The following COX7B2 variants were observed in gnomAD, a reference collection of about 807,000 sequenced individuals.
The protein encoded by COX7B2 is cytochrome c oxidase subunit 7B2, mitochondrial.
For synonymous variants in COX7B2, 37 were observed against 32.1 expected, an observed-to-expected ratio of 1.15 and a Z score of -0.51; for missense variants, 109 against 95.9, an observed-to-expected ratio of 1.14 and a Z score of -0.57.
At chr4:46,888,644 C>T (rs1719233945) in intron 1 of COX7B2, among the ~76,000 whole-genome samples, 1 of 152,040 alleles carries the variant, frequency 6.6e-6, no homozygotes, top group African/African-American at 2.4e-5. Context: ...GATGGGGTTT[C>T]ACCATGTTAG....
intron 2 of COX7B2, among the ~76,000 whole-genome samples, chr4:46,773,265 G>A (rs1237644655): frequency 2.6e-5 from 4 of 152,170 alleles, no homozygotes; most frequent in African/African-American, 9.6e-5. Flanking sequence ...GGAAGGACCT[G>A]ATGGGAGGTA....
intron 2 of COX7B2, among the ~76,000 whole-genome samples, chr4:46,819,365 G>T (rs886618596): frequency 2.0e-5 from 3 of 152,072 alleles, no homozygotes; most frequent in Non-Finnish European, 4.4e-5. Flanking sequence ...CCACTCTTAG[G>T]AAGCTTTCAG....
At chr4:46,815,631 C>T (rs1381365048) in intron 2 of COX7B2, among the ~76,000 whole-genome samples, 1 of 151,770 alleles carries the variant, frequency 6.6e-6, no homozygotes, top group Admixed American at 6.6e-5. Context: ...TTCAATTTTG[C>T]ACAAATGGTG....
At chr4:46,750,229 C>CACAT (rs1553879316) in intron 2 of COX7B2, among the ~76,000 whole-genome samples, 3 of 151,292 alleles carry the variant, frequency 2.0e-5, no homozygotes, top group South Asian at 2.1e-4. Flanking sequence ...CACACACACA[C>CACAT]ACACACACAC....
intron 2 of COX7B2, among the ~76,000 whole-genome samples, chr4:46,844,693 T>C (rs920828257): frequency 2.6e-5 from 4 of 152,038 alleles, no homozygotes; most frequent in African/African-American, 9.7e-5. Context: ...GTTAAGACTA[T>C]CAAGTTAGTC....
chr4:46,818,272 CTT>C (rs1275548632), intron 2 of COX7B2, among the ~76,000 whole-genome samples: 2 of 152,160 alleles, frequency 1.3e-5, no homozygotes, highest in Non-Finnish European at 2.9e-5. Flanking sequence ...TTGTCAGTGT[CTT>C]TTACTGAAGG....
intron 2 of COX7B2, among the ~76,000 whole-genome samples, chr4:46,769,378 C>A (rs1418544068): frequency 6.6e-6 from 1 of 152,098 alleles, no homozygotes; most frequent in Non-Finnish European, 1.5e-5. Flanking sequence ...AAGGACTTAT[C>A]CCTGAAATGC....
intron 2 of COX7B2, among the ~76,000 whole-genome samples, chr4:46,749,532 T>A (rs1715222165): frequency 6.6e-6 from 1 of 152,170 alleles, no homozygotes; most frequent in African/African-American, 2.4e-5. Flanking sequence ...AATATTGTAG[T>A]ATAAATAGTG....
At chr4:46,841,130 C>G (rs1429904728) in intron 2 of COX7B2, among the ~76,000 whole-genome samples, 1 of 151,910 alleles carries the variant, frequency 6.6e-6, no homozygotes, top group Non-Finnish European at 1.5e-5. Context: ...AGCAATGAGA[C>G]ACTGAATTAT....
At chr4:46,738,822 A>C (rs1413609347) in intron 2 of COX7B2, among the ~76,000 whole-genome samples, 1 of 152,080 alleles carries the variant, frequency 6.6e-6, no homozygotes, top group Non-Finnish European at 1.5e-5. Flanking sequence ...TAGTAAAAAC[A>C]AAGTAAAAGT....
rs568525541 is a variant in COX7B2, at chr4:46,762,284, T to A, written c.-49-27043A>T. ...TAATATATTTAATATATATGTAACATATATAAAATATATATAGTGTTATAT... is the reference window on the plus strand; with the variant it reads ...TAATATATTTAATATATATGTAACAAATATAAAATATATATAGTGTTATAT... On this transcript the variant is annotated intron_variant, in intron 2 of 2. Coordinates refer to ENST00000355591, the MANE Select transcript of COX7B2 (RefSeq NM_130902.3). Among the ~76,000 whole-genome samples the A allele has an allele frequency of 2.8e-3, 396 of 139,626 alleles. 3 individuals are homozygous for A. In the Middle Eastern group the frequency reaches 0.033, roughly 12 times the overall value. The allele number at this position is 139,626 out of a possible 152,430, so 91.6% of individuals were successfully genotyped here. A position where few individuals can be genotyped will look rare whatever the true frequency, so the allele number is the denominator to read the frequency against.
At chr4:46,769,523 T>C (rs900571023) in intron 2 of COX7B2, among the ~76,000 whole-genome samples, 72 of 152,102 alleles carry the variant, frequency 4.7e-4, no homozygotes, top group African/African-American at 1.6e-3. Flanking sequence ...GGGACCAGCC[T>C]GGCCAATATG....
intron 1 of COX7B2, among the ~76,000 whole-genome samples, chr4:46,887,710 C>G (rs77359323): frequency 4.8e-5 from 2 of 41,660 alleles, no homozygotes; most frequent in East Asian, 1.6e-3. Context: ...GACTCCTTCT[C>G]AAAAAAAAAA....
chr4:46,837,304 CACACACACACAG>C (rs1368912808), intron 2 of COX7B2, among the ~76,000 whole-genome samples: 2 of 151,294 alleles, frequency 1.3e-5, no homozygotes, highest in Non-Finnish European at 3.0e-5. Flanking sequence ...CACACACACA[CACACACACACAG>C]AGGAATATGG....
chr4:46,810,548 C>A (rs1453211257), intron 2 of COX7B2, among the ~76,000 whole-genome samples: 1 of 151,930 alleles, frequency 6.6e-6, no homozygotes, highest in Non-Finnish European at 1.5e-5. Flanking sequence ...AGACTTTAAT[C>A]CCATTTAAAT....
intron 2 of COX7B2, among the ~76,000 whole-genome samples, chr4:46,746,126 A>G (rs886093711): frequency 6.6e-6 from 1 of 152,172 alleles, no homozygotes; most frequent in Non-Finnish European, 1.5e-5. Flanking sequence ...CAAATAAAAA[A>G]CCATCAGATC....
At chr4:46,830,237 T>C (rs1714976701) in intron 2 of COX7B2, among the ~76,000 whole-genome samples, 1 of 149,898 alleles carries the variant, frequency 6.7e-6, no homozygotes, top group Non-Finnish European at 1.5e-5. Flanking sequence ...GGCAGGAGAA[T>C]TGCTTGAACC....
intron 2 of COX7B2, among the ~76,000 whole-genome samples, chr4:46,783,807 G>A (rs898586035): frequency 6.6e-6 from 1 of 152,126 alleles, no homozygotes; most frequent in African/African-American, 2.4e-5. Flanking sequence ...AAGAAGAAAA[G>A]AGAGAAAGTA....
intron 1 of COX7B2, among the ~76,000 whole-genome samples, chr4:46,880,835 G>T: frequency 7.7e-6 from 1 of 130,252 alleles, no homozygotes; most frequent in African/African-American, 2.8e-5. Flanking sequence ...ACACTCTGGG[G>T]ACTGTGGTGG....
Sources: allele counts gnomAD v4.1 joint callset (sites outside exome capture counted in the v4.1 genomes callset), GRCh38; gene constraint gnomAD v4.1.1; transcripts MANE v1.5; gene names NCBI Gene and HGNC (gene_info 2026-07-23, HGNC 2026-07-21).